The following FOXP1 variants were observed in gnomAD, a reference collection of about 807,000 sequenced individuals.
FOXP1 encodes the protein forkhead box protein P1.
In FOXP1, 15 loss-of-function variants were observed where a neutral mutation model predicts 98.2. The ratio of observed to expected loss-of-function variants is 0.15; its 90% CI spans 0.10 to 0.24. FOXP1 has a LOEUF of 0.24. Among genes scored for constraint, FOXP1 ranks in the 10% least tolerant of loss-of-function variants. FOXP1 has a pLI of 1.00. For synonymous variants in FOXP1, 371 were observed against 314.5 expected (o/e 1.18, Z -1.90); for missense variants, 633 against 848.5 (o/e 0.75, Z 3.15).
intron 5 of FOXP1, among the ~76,000 whole-genome samples, chr3:71,255,817 T>G (rs547965308): frequency 6.6e-6 from 1 of 152,250 alleles, no homozygotes; most frequent in South Asian, 2.1e-4. Context: ...CTTTTAGACG[T>G]TGGAAAATGG....
At chr3:70,969,349 A>T (rs2035679324) in intron 19 of FOXP1, 1 of 152,182 alleles carries the variant, frequency 6.6e-6, no homozygotes, top group Non-Finnish European at 1.5e-5. Context: ...CGCAGAAAGT[A>T]GTTTCTCCTA....
intron 7 of FOXP1, among the ~76,000 whole-genome samples, chr3:71,072,702 G>A (rs2053394317): frequency 1.3e-5 from 2 of 152,116 alleles, no homozygotes; most frequent in African/African-American, 4.8e-5. Flanking sequence ...TTTCAACCAT[G>A]CCTGCTTTCA....
intron 5 of FOXP1, among the ~76,000 whole-genome samples, chr3:71,272,842 A>G (rs1218132159): frequency 1.3e-5 from 2 of 152,210 alleles, no homozygotes; most frequent in Admixed American, 6.5e-5. Flanking sequence ...CAAGGGTGAC[A>G]TCTCTTCCCG....
chr3:71,367,270 A>C (rs1386321025), intron 3 of FOXP1, among the ~76,000 whole-genome samples: 1 of 152,180 alleles, frequency 6.6e-6, no homozygotes, highest in East Asian at 1.9e-4. Flanking sequence ...ACAGCCAAAA[A>C]ACCCACAATA....
chr3:71,466,561 C>T (rs1191149694), intron 3 of FOXP1, among the ~76,000 whole-genome samples: 1 of 152,180 alleles, frequency 6.6e-6, no homozygotes, highest in African/African-American at 2.4e-5. Flanking sequence ...CGAATCTGAT[C>T]GGGATTGGAT....
At chr3:71,056,447 C>T (rs1483607769) in intron 7 of FOXP1, among the ~76,000 whole-genome samples, 1 of 152,112 alleles carries the variant, frequency 6.6e-6, no homozygotes, top group Non-Finnish European at 1.5e-5. Context: ...TTGAGTCTCC[C>T]CTTCTTTTTC....
At chr3:71,563,891 GTGCCAAACTGCCGTA>G (rs2046721171) in intron 2 of FOXP1, among the ~76,000 whole-genome samples, 1 of 152,198 alleles carries the variant, frequency 6.6e-6, no homozygotes, top group Non-Finnish European at 1.5e-5. Flanking sequence ...GGGCAAGCTG[GTGCCAAACTGCCGTA>G]TGACTTCATC....
intron 3 of FOXP1, among the ~76,000 whole-genome samples, chr3:71,422,385 T>C (rs1320727489): frequency 6.6e-6 from 1 of 152,220 alleles, no homozygotes; most frequent in Non-Finnish European, 1.5e-5. Context: ...GGCAAAAGAC[T>C]GATTCAGTCG....
chr3:71,223,901 G>A (rs1273140315), intron 5 of FOXP1, among the ~76,000 whole-genome samples: 1 of 152,072 alleles, frequency 6.6e-6, no homozygotes, highest in East Asian at 1.9e-4. Context: ...CTGGATGGAT[G>A]GATAGGTGGA....
chr3:71,321,765 G>C (rs1298358532), intron 4 of FOXP1, among the ~76,000 whole-genome samples: 2 of 151,986 alleles, frequency 1.3e-5, no homozygotes, highest in Non-Finnish European at 2.9e-5. Context: ...GGGACTACAA[G>C]TGTGCACCAC....
At chr3:71,180,476 A>G (rs772600875) in intron 6 of FOXP1, among the ~76,000 whole-genome samples, 2 of 152,222 alleles carry the variant, frequency 1.3e-5, no homozygotes, top group African/African-American at 4.8e-5. Flanking sequence ...AGAATTTAGC[A>G]AGAAAAAAAA....
chr3:71,568,072 G>A (rs1391085584), intron 2 of FOXP1: 3 of 123,118 alleles, frequency 2.4e-5, no homozygotes, highest in Admixed American at 8.0e-5. Flanking sequence ...GAGGGGGGGA[G>A]GAGAGGGGAG....
intron 7 of FOXP1, among the ~76,000 whole-genome samples, chr3:71,086,972 T>C (rs751132536): frequency 2.0e-5 from 3 of 152,176 alleles, no homozygotes; most frequent in African/African-American, 2.4e-5. Flanking sequence ...ACAAGCTACA[T>C]GTGTGTTCAC....
intron 6 of FOXP1, among the ~76,000 whole-genome samples, chr3:71,154,633 C>T (rs757289687): frequency 5.3e-5 from 8 of 152,190 alleles, no homozygotes; most frequent in African/African-American, 1.7e-4. Context: ...CTGGACTGCC[C>T]GGGCTCAATG....
At chr3:71,249,141 G>A (rs559783729) in intron 5 of FOXP1, among the ~76,000 whole-genome samples, 4 of 152,344 alleles carry the variant, frequency 2.6e-5, no homozygotes, top group South Asian at 2.1e-4. Context: ...GGATGCCAGA[G>A]GCCATAGGCA....
intron 6 of FOXP1, among the ~76,000 whole-genome samples, chr3:71,149,494 C>T (rs1459207085): frequency 6.6e-6 from 1 of 151,980 alleles, no homozygotes; most frequent in Non-Finnish European, 1.5e-5. Flanking sequence ...GATAAAGGGC[C>T]TACAGAAGGC....
At chr3:71,154,559 T>G (rs2060727786) in intron 6 of FOXP1, among the ~76,000 whole-genome samples, 1 of 152,230 alleles carries the variant, frequency 6.6e-6, no homozygotes, top group Non-Finnish European at 1.5e-5. Context: ...TGTTGGTTCT[T>G]TGGTTCCGTC....
intron 5 of FOXP1, among the ~76,000 whole-genome samples, chr3:71,240,604 G>A (rs1008538951): frequency 3.9e-5 from 6 of 151,910 alleles, no homozygotes; most frequent in South Asian, 2.1e-4. Context: ...GTGTAGTGGC[G>A]CGATCTCGGC....
chr3:70,982,511 C>A (rs1344291324), intron 14 of FOXP1, among the ~76,000 whole-genome samples: 1 of 152,150 alleles, frequency 6.6e-6, no homozygotes, highest in Non-Finnish European at 1.5e-5. Flanking sequence ...AAGTTTCCAT[C>A]ATGTGATGAT....
Sources: gnomAD v4.1 joint callset for allele counts (sites outside exome capture counted in the v4.1 genomes callset) on GRCh38, gnomAD v4.1.1 for gene constraint, MANE v1.5 for transcripts, NCBI Gene and HGNC (gene_info 2026-07-23, HGNC 2026-07-21) for gene names.